Variants in INVS observed in about 807,000 individuals in gnomAD.
The protein encoded by INVS is inversion of embryo turning homolog.
INVS carries 86 observed loss-of-function variants against 108.8 expected under a neutral mutation model. That is an observed-to-expected ratio of 0.79 (90% CI 0.66 to 0.95). INVS has a LOEUF of 0.95. INVS is among the 40% of genes least tolerant of loss of function. INVS has a pLI of 0.00. For missense variants in INVS, 1,169 were observed against 1,297.4 expected (o/e 0.90, Z 1.52); for synonymous variants, 455 against 473.5 (o/e 0.96, Z 0.51).
intron 12 of INVS, among the ~76,000 whole-genome samples, chr9:100,276,590 C>T (rs976822691): frequency 5.8e-4 from 88 of 152,214 alleles, no homozygotes; most frequent in Non-Finnish European, 8.8e-4. Flanking sequence ...CTCACTGCAA[C>T]CTCCACCTCC....
chr9:100,251,440 T>G (rs1286826659), intron 8 of INVS, among the ~76,000 whole-genome samples: 4 of 152,228 alleles, frequency 2.6e-5, no homozygotes, highest in Non-Finnish European at 5.9e-5. Context: ...TGGAGTAACA[T>G]AGAGAGGAGT....
At chr9:100,129,573 A>G in intron 3 of INVS, 1 of 523,822 alleles carries the variant, frequency 1.9e-6, no homozygotes. Context: ...AGACACTTTC[A>G]TAACTAGGCA....
In INVS at chr9:100,118,651, A is replaced by G. The variant is rs543404513; in HGVS notation, c.107-7732A>G. 1.6e-4 allele frequency among the ~76,000 whole-genome samples: 24 copies of G among 151,902 alleles called. 1 individual carries two copies. In the South Asian group the frequency reaches 4.2e-3, roughly 26 times the overall value. On this transcript the variant is annotated intron_variant, in intron 2 of 16. Transcript: ENST00000262457. ...TTTTTGTTTTTGTATATGAATGCCAAATTTTTCCAGCACCATTTATTATTA... is the reference window on the plus strand; with the variant it reads ...TTTTTGTTTTTGTATATGAATGCCAGATTTTTCCAGCACCATTTATTATTA...
intron 1 of INVS, among the ~76,000 whole-genome samples, chr9:100,100,681 A>T (rs565786489): frequency 5.6e-5 from 2 of 35,750 alleles, no homozygotes; most frequent in African/African-American, 2.0e-4. Context: ...TGTACATATA[A>T]TATATATATT....
intron 3 of INVS, among the ~76,000 whole-genome samples, chr9:100,159,209 C>T (rs1360527329): frequency 6.6e-6 from 1 of 151,978 alleles, no homozygotes; most frequent in Non-Finnish European, 1.5e-5. Flanking sequence ...AGAATACAAA[C>T]AAAATGGTAT....
At chr9:100,145,367 G>A (rs55767211) in intron 3 of INVS, among the ~76,000 whole-genome samples, 33,166 of 151,210 alleles carry the variant, frequency 0.22, 4,311 homozygotes, top group Non-Finnish European at 0.3. Context: ...AGGTTGGGGC[G>A]TGGAAATAAG....
intron 3 of INVS, among the ~76,000 whole-genome samples, chr9:100,203,233 A>G (rs1049793636): frequency 6.6e-6 from 1 of 152,140 alleles, no homozygotes. Context: ...TGCTTCAAAC[A>G]TACCCTGTAA....
At chr9:100,141,872 A>G (rs545491611) in intron 3 of INVS, among the ~76,000 whole-genome samples, 42 of 152,326 alleles carry the variant, frequency 2.8e-4, no homozygotes, top group African/African-American at 1.0e-3. Context: ...AAATGACGAC[A>G]GAATAGAATG....
chr9:100,171,847 G>A (rs1829553258), intron 3 of INVS, among the ~76,000 whole-genome samples: 1 of 152,028 alleles, frequency 6.6e-6, no homozygotes, highest in South Asian at 2.1e-4. Flanking sequence ...AAAAGCATTG[G>A]ACTGATATAA....
At chr9:100,209,672 A>G (rs185331938) in intron 3 of INVS, among the ~76,000 whole-genome samples, 29 of 148,942 alleles carry the variant, frequency 1.9e-4, no homozygotes, top group African/African-American at 6.6e-4. Flanking sequence ...CAGGAGGCTG[A>G]GGCAGAAGAA....
intron 8 of INVS, among the ~76,000 whole-genome samples, chr9:100,247,734 A>G (rs1319665512): frequency 6.6e-6 from 1 of 152,150 alleles, no homozygotes; most frequent in Non-Finnish European, 1.5e-5. Flanking sequence ...TTTTAAGAAG[A>G]CAATTCAATT....
chr9:100,263,135 A>C (rs1029428884), intron 10 of INVS, among the ~76,000 whole-genome samples: 6 of 151,690 alleles, frequency 4.0e-5, no homozygotes, highest in Non-Finnish European at 7.4e-5. Context: ...CCTAATTTCT[A>C]TTTTGGTTTA....
intron 13 of INVS, among the ~76,000 whole-genome samples, chr9:100,285,699 T>C (rs1331121516): frequency 6.6e-6 from 1 of 152,238 alleles, no homozygotes; most frequent in East Asian, 1.9e-4. Context: ...CAATAAATTG[T>C]AACAACCAGT....
chr9:100,156,552 T>G (rs536307833), intron 3 of INVS, among the ~76,000 whole-genome samples: 20 of 152,132 alleles, frequency 1.3e-4, no homozygotes, highest in African/African-American at 4.6e-4. Flanking sequence ...AATACAGTTG[T>G]TTTTATGTGT....
At chr9:100,144,945 C>T (rs1349003497) in intron 3 of INVS, among the ~76,000 whole-genome samples, 1 of 152,076 alleles carries the variant, frequency 6.6e-6, no homozygotes, top group African/African-American at 2.4e-5. Flanking sequence ...ACGTCAGGCA[C>T]CTCAGACCAT....
rs577341936 is a variant in INVS at position 100,194,475 on chromosome 9, ATCGTCTTATATATAAAT to A, written c.274-31585_274-31569del. ...GATTTTTTAGTCTCCTACATAAACA[ATCGTCTTATATATAAAT>A]TAAAATGAGGGTTTTTTTTTTCAAA... On this transcript the variant is annotated intron_variant, in intron 3 of 16. Transcript: ENST00000262457. 3.2e-4 allele frequency among the ~76,000 whole-genome samples: 48 copies of A among 151,320 alleles called. 1 individual carries two copies. The East Asian group carries it at 7.2e-3, about 23-fold the overall frequency.
intron 10 of INVS, among the ~76,000 whole-genome samples, chr9:100,263,678 CAT>C (rs934347847): frequency 1.1e-4 from 17 of 152,160 alleles, no homozygotes; most frequent in African/African-American, 3.4e-4. Flanking sequence ...TCTCATGTAA[CAT>C]AACATATTCA....
At chr9:100,162,079 C>T (rs532890085) in intron 3 of INVS, among the ~76,000 whole-genome samples, 3 of 152,054 alleles carry the variant, frequency 2.0e-5, no homozygotes, top group Admixed American at 6.5e-5. Context: ...AAAAAGGAGC[C>T]GGAAATAATA....
chr9:100,203,914 G>A (rs569680119), intron 3 of INVS, among the ~76,000 whole-genome samples: 1 of 152,222 alleles, frequency 6.6e-6, no homozygotes, highest in South Asian at 2.1e-4. Flanking sequence ...CATTCTAGAA[G>A]CTCTGAGAAG....
Sources: allele counts gnomAD v4.1 joint callset (sites outside exome capture counted in the v4.1 genomes callset), GRCh38; gene constraint gnomAD v4.1.1; transcripts MANE v1.5; gene names NCBI Gene and HGNC (gene_info 2026-07-23, HGNC 2026-07-21).